SLC1A7: variants seen among roughly 807,000 people sequenced by gnomAD.
SLC1A7 encodes the protein excitatory amino acid transporter 5.
In SLC1A7, 40 loss-of-function variants were observed where a neutral mutation model predicts 47.7. That is an observed-to-expected ratio of 0.84 (90% CI 0.65 to 1.09). The LOEUF (loss-of-function observed/expected upper bound fraction) is 1.09. Among genes scored for constraint, SLC1A7 ranks in the 50% least tolerant of loss-of-function variants. SLC1A7 has a pLI of 0.00. For missense variants in SLC1A7, 746 were observed against 769.5 expected, an observed-to-expected ratio of 0.97 and a Z score of 0.36; for synonymous variants, 323 against 325.6, an observed-to-expected ratio of 0.99 and a Z score of 0.09.
intron 5 of SLC1A7, among the ~76,000 whole-genome samples, chr1:53,096,063 C>T (rs577558831): frequency 6.2e-5 from 9 of 145,818 alleles, no homozygotes; most frequent in Non-Finnish European, 1.1e-4. Context: ...TCAACTGCCT[C>T]AGTACACTCA....
intron 4 of SLC1A7, among the ~76,000 whole-genome samples, chr1:53,104,551 G>A (rs1644618186): frequency 6.6e-6 from 1 of 152,212 alleles, no homozygotes; most frequent in African/African-American, 2.4e-5. Flanking sequence ...ACAGAGTAGA[G>A]CAACATTCTT....
In SLC1A7 at chr1:53,092,453, C is replaced by T. The variant is rs1019300113; in HGVS notation, c.1031+101G>A. 1.2e-5 allele frequency: 10 copies of T among 841,294 alleles called. No homozygotes were observed. In the East Asian group the frequency reaches 1.6e-4, roughly 13 times the overall value. The allele number at this position is 841,294 out of a possible 1,614,324, so 52.1% of individuals were successfully genotyped here. On this transcript the variant is annotated intron_variant, in intron 7 of 10. Coordinates refer to ENST00000371494, the MANE Select transcript of SLC1A7 (RefSeq NM_006671.6). The stretch of plus-strand genomic sequence containing the variant: ...GCATTTGTGAGGTGGGCCACACTGG[C>T]GTTTTGGTGGTTCTGTGGCTATGAA...
chr1:53,101,326 A>G (rs148574754), intron 5 of SLC1A7, among the ~76,000 whole-genome samples: 18 of 96,610 alleles, frequency 1.9e-4, no homozygotes, highest in South Asian at 3.5e-4. Flanking sequence ...CGGTACACTC[A>G]CACACCCCTC....
At chr1:53,090,532 C>G in intron 8 of SLC1A7, 80 bp downstream of exon 8, 6 of 1,456,756 alleles carry the variant, frequency 4.1e-6, no homozygotes, top group Non-Finnish European at 5.4e-6. Context: ...GCTTCAGATA[C>G]CCCTCAAGTC....
intron 2 of SLC1A7, among the ~76,000 whole-genome samples, chr1:53,132,380 T>C (rs1644950380): frequency 6.6e-6 from 1 of 152,106 alleles, no homozygotes; most frequent in Admixed American, 6.6e-5. Context: ...ATTCTTCGAC[T>C]GAGTAGGCAG....
chr1:53,125,162 G>T (rs981593410), intron 2 of SLC1A7, among the ~76,000 whole-genome samples: 1 of 152,212 alleles, frequency 6.6e-6, no homozygotes, highest in Non-Finnish European at 1.5e-5. Flanking sequence ...AAAACCATGG[G>T]AGGGGGGCCC....
intron 3 of SLC1A7, among the ~76,000 whole-genome samples, chr1:53,107,356 A>G (rs1644655471): frequency 6.6e-6 from 1 of 152,154 alleles, no homozygotes; most frequent in African/African-American, 2.4e-5. Flanking sequence ...CAACAGAGAA[A>G]AAGGACATTC....
At chr1:53,099,761 A>G (rs1177549010) in intron 5 of SLC1A7, among the ~76,000 whole-genome samples, 1 of 146,280 alleles carries the variant, frequency 6.8e-6, no homozygotes, top group Non-Finnish European at 1.5e-5. Context: ...TTACCTTGGC[A>G]CACACCCTGT....
rs536285092 is a variant in SLC1A7 at position 53,135,660 on chromosome 1, T to A, written c.136-1231A>T. On this transcript the variant is annotated intron_variant, in intron 1 of 10. Transcript: ENST00000371494. ...AGCCCAGTTAAATCAGACTTTCAGA[T>A]AACAACATATAGTTCATTCTTATAC... is the stretch of plus-strand genomic sequence containing the variant. Among the ~76,000 whole-genome samples the A allele has an allele frequency of 2.8e-4, 42 of 150,876 alleles. No individual in the cohort carries two copies. In the South Asian group the frequency reaches 8.6e-3, roughly 31 times the overall value.
intron 5 of SLC1A7, among the ~76,000 whole-genome samples, chr1:53,099,652 G>A (rs868414661): frequency 4.7e-5 from 7 of 147,662 alleles, no homozygotes; most frequent in Middle Eastern, 3.8e-3. Context: ...CCCCGTCTGA[G>A]TACACTCACA....
chr1:53,113,418 C>T (rs563171339), intron 3 of SLC1A7, among the ~76,000 whole-genome samples: 22 of 152,254 alleles, frequency 1.4e-4, no homozygotes, highest in Admixed American at 1.3e-3. Flanking sequence ...TGACACCTAC[C>T]CCAGGATGCC....
At chr1:53,119,278 T>G (rs1020790480) in intron 2 of SLC1A7, among the ~76,000 whole-genome samples, 60 of 152,316 alleles carry the variant, frequency 3.9e-4, no homozygotes, top group African/African-American at 1.4e-3. Flanking sequence ...ACTCCCACAG[T>G]GCCTGTCTGT....
intron 5 of SLC1A7, among the ~76,000 whole-genome samples, chr1:53,100,076 A>AC (rs1557672369): frequency 6.8e-6 from 1 of 147,108 alleles, no homozygotes; most frequent in African/African-American, 2.5e-5. Flanking sequence ...ACACTCACAC[A>AC]CCCCCACCTT....
chr1:53,129,832 G>A (rs3766807), intron 2 of SLC1A7, among the ~76,000 whole-genome samples: 27,662 of 112,970 alleles, frequency 0.24, 6,356 homozygotes, highest in Middle Eastern at 0.32. Flanking sequence ...TGAGTACCAG[G>A]CAGAGGTCAG....
intron 1 of SLC1A7, among the ~76,000 whole-genome samples, chr1:53,136,621 A>AAAC (rs1645000549): frequency 2.3e-5 from 3 of 133,282 alleles, no homozygotes; most frequent in African/African-American, 8.6e-5. Context: ...AATATATATA[A>AAAC]ACATATATAA....
At chr1:53,093,712 A>G (rs1273230496) in intron 5 of SLC1A7, 152 bp from the exon 6 acceptor site, 1 of 602,688 alleles carries the variant, frequency 1.7e-6, no homozygotes, top group East Asian at 2.8e-5. Context: ...CCTCCACTCT[A>G]CTACCGATCC....
chr1:53,093,897 C>T (rs2150316476), intron 5 of SLC1A7, among the ~76,000 whole-genome samples: 1 of 152,280 alleles, frequency 6.6e-6, no homozygotes, highest in East Asian at 1.9e-4. Context: ...TCGAGTGGGC[C>T]CTGCCTGCCT....
intron 1 of SLC1A7, among the ~76,000 whole-genome samples, chr1:53,135,826 G>C (rs1410645404): frequency 6.6e-6 from 1 of 152,192 alleles, no homozygotes; most frequent in Non-Finnish European, 1.5e-5. Context: ...GGTTGTGGGC[G>C]AGGCAGGCAA....
At chr1:53,103,757 T>A in intron 4 of SLC1A7, 189 bp from the exon 5 acceptor site, 3 of 530,192 alleles carry the variant, frequency 5.7e-6, no homozygotes, top group Non-Finnish European at 6.6e-6. Context: ...CTGCAACTCC[T>A]TCCTCTACCA....
Sources: gnomAD v4.1 joint callset for allele counts (sites outside exome capture counted in the v4.1 genomes callset) on GRCh38, gnomAD v4.1.1 for gene constraint, MANE v1.5 for transcripts, NCBI Gene and HGNC (gene_info 2026-07-23, HGNC 2026-07-21) for gene names.